The following OPA1 variants were observed in gnomAD, a reference collection of about 807,000 sequenced individuals.
OPA1 encodes dynamin-like GTPase OPA1, mitochondrial.
In OPA1, 59 loss-of-function variants were observed where a neutral mutation model predicts 152.9. The observed-to-expected ratio is 0.39, with a 90% confidence interval of 0.31 to 0.48. The LOEUF (loss-of-function observed/expected upper bound fraction) is 0.48, where lower values mean the gene tolerates loss of function less well. Ranked by LOEUF, OPA1 falls within the 20% of genes least tolerant of loss-of-function variation. OPA1 has a pLI of 0.96. For synonymous variants in OPA1, 400 were observed against 389.9 expected, an observed-to-expected ratio of 1.03 and a Z score of -0.31; for missense variants, 1,008 against 1,216.8, an observed-to-expected ratio of 0.83 and a Z score of 2.55.
chr3:193,675,850 G>A, intron 29 of OPA1, among the ~76,000 whole-genome samples: 1 of 152,202 alleles, frequency 6.6e-6, no homozygotes, highest in African/African-American at 2.4e-5. Flanking sequence ...TTGTGATCTT[G>A]TAATACAGAC....
chr3:193,682,809 A>G (rs911933060), intron 29 of OPA1, among the ~76,000 whole-genome samples: 3 of 152,212 alleles, frequency 2.0e-5, no homozygotes, highest in Non-Finnish European at 4.4e-5. Context: ...TGGTCAAGCA[A>G]GAGTTCTGAG....
chr3:193,637,605 G>A lies in OPA1; in HGVS notation c.1035+324G>A, dbSNP rs115055890. Among the ~76,000 whole-genome samples the A allele has an allele frequency of 4.4e-3, 675 of 152,168 alleles. 8 individuals are homozygous for A. The highest frequency in any genetic ancestry group is 0.015 in the African/African-American group (625 of 41,512). On this transcript the variant is annotated intron_variant, in intron 10 of 30. Transcript: ENST00000361510. ...ACAGTGGATTAAATTAGCCATATGC[G>A]TGAAATTTAAGCTAATAGAATTGAA... is the stretch of plus-strand genomic sequence containing the variant.
At chr3:193,634,285 A>G (rs911972853) in intron 8 of OPA1, among the ~76,000 whole-genome samples, 1 of 151,066 alleles carries the variant, frequency 6.6e-6, no homozygotes, top group Non-Finnish European at 1.5e-5. Flanking sequence ...CTACTTACAA[A>G]AAAAAAACCT....
rs111488647 is a variant in OPA1, at chr3:193,643,037, C to T, written c.1293C>T (p.Thr431=). Residue 431 remains threonine (T), a synonymous_variant, in exon 13 of 31, where the codon ACC becomes ACT. Transcript: ENST00000361510. Reference sequence around the variant, plus strand: ...GGAAAAATGTGAAAGAAGGCTGTACCGTTAGCCCTGAGGTAAGGGTTGCAA... The same window carrying T: ...GGAAAAATGTGAAAGAAGGCTGTACTGTTAGCCCTGAGGTAAGGGTTGCAA... The part of the protein sequence containing the change: ...RMRKNVKEGC[T]VSPETISLNV... The T allele has an allele frequency of 3.7e-5, 60 of 1,612,408 alleles. No individual in the cohort carries two copies. The African/African-American group carries it at 4.4e-4, about 12-fold the overall frequency.
intron 1 of OPA1, chr3:193,613,856 G>A (rs376546596): frequency 2.0e-5 from 10 of 509,142 alleles, no homozygotes; most frequent in Admixed American, 5.9e-5. Context: ...GGGATTACAG[G>A]TGTGAGCCAC....
Position 193,695,032 on chromosome 3 carries a change from A to G in OPA1, c.*432A>G, listed in dbSNP as rs559377211. ...GCAATTGTTTAAAGTTATCAATTGT[A>G]TATAAAATCACAGTAGCCTGCTAAA... is the stretch of plus-strand genomic sequence containing the variant. On this transcript the variant is annotated 3_prime_UTR_variant, in exon 31 of 31. Coordinates refer to ENST00000361510, the MANE Select transcript of OPA1 (RefSeq NM_130837.3). 1 of 152,254 alleles carries G rather than the reference A, an allele frequency of 6.6e-6. No homozygotes were observed. The highest frequency in any genetic ancestry group is 1.5e-5 in the Non-Finnish European group (1 of 68,042). The allele number at this position is 152,254 out of a possible 1,614,324, so 9.4% of individuals were successfully genotyped here. A position where few individuals can be genotyped will look rare whatever the true frequency, so the allele number is the denominator to read the frequency against.
Position 193,609,345 on chromosome 3 carries a change from T to C in OPA1, c.33-5378T>C, listed in dbSNP as rs185011987. Reference sequence around the variant, plus strand: ...ATTCTGGGTTGAAAATTCTTTTCTTTAAGAATGTTGAATATTGGCCTCCAC... The same window carrying C: ...ATTCTGGGTTGAAAATTCTTTTCTTCAAGAATGTTGAATATTGGCCTCCAC... On this transcript the variant is annotated intron_variant, in intron 1 of 30. Transcript: ENST00000361510. 2.8e-3 allele frequency among the ~76,000 whole-genome samples: 430 copies of C among 152,346 alleles called. 3 individuals are homozygous for C. Among genetic ancestry groups the C allele is most frequent in the South Asian group, 0.017 (81 of 4,832 alleles).
At chr3:193,594,894 CA>C (rs1374434998) in intron 1 of OPA1, among the ~76,000 whole-genome samples, 1 of 152,126 alleles carries the variant, frequency 6.6e-6, no homozygotes, top group African/African-American at 2.4e-5. Context: ...AGTGAGGAAA[CA>C]TATCTGATTT....
intron 1 of OPA1, among the ~76,000 whole-genome samples, chr3:193,605,419 A>G (rs534538075): frequency 2.3e-4 from 35 of 152,302 alleles, no homozygotes; most frequent in Non-Finnish European, 3.7e-4. Context: ...ATCTTCTACA[A>G]TTGGTGAGAG....
chr3:193,660,116 A>T (rs1347638209), intron 25 of OPA1, among the ~76,000 whole-genome samples: 1 of 152,152 alleles, frequency 6.6e-6, no homozygotes, highest in Non-Finnish European at 1.5e-5. Flanking sequence ...GAATAGAAAA[A>T]AATAGTAAGG....
intron 21 of OPA1, 69 bp from the exon 22 acceptor site, chr3:193,654,793 T>C (rs1277360822): frequency 6.8e-7 from 1 of 1,481,426 alleles, no homozygotes. Context: ...TTAATGATAC[T>C]TCAGTCAAGC....
intron 26 of OPA1, 59 bp from the exon 27 acceptor site, chr3:193,664,821 G>A: frequency 1.1e-6 from 1 of 912,462 alleles, no homozygotes; most frequent in Non-Finnish European, 1.8e-6. Flanking sequence ...ACTTCTCAGT[G>A]TGGTTGATCA....
chr3:193,616,470 C>T (rs904311023), intron 3 of OPA1, among the ~76,000 whole-genome samples: 1 of 152,112 alleles, frequency 6.6e-6, no homozygotes, highest in Non-Finnish European at 1.5e-5. Context: ...GCCAAGTAGC[C>T]TTTCTATTAA....
intron 11 of OPA1, among the ~76,000 whole-genome samples, chr3:193,639,198 A>G (rs1032496318): frequency 6.6e-6 from 1 of 152,224 alleles, no homozygotes; most frequent in African/African-American, 2.4e-5. Flanking sequence ...TACCAGTAGC[A>G]TTCTAGGCAA....
intron 29 of OPA1, among the ~76,000 whole-genome samples, chr3:193,676,822 T>C (rs1489898218): frequency 6.6e-6 from 1 of 151,736 alleles, no homozygotes; most frequent in Admixed American, 6.6e-5. Context: ...CTACTAAAAA[T>C]ACAAAAAATT....
At chr3:193,691,415 G>A (rs572485633) in intron 29 of OPA1, 11 of 152,184 alleles carry the variant, frequency 7.2e-5, no homozygotes, top group Admixed American at 2.0e-4. Context: ...TACCTCTAGT[G>A]GCTCTGGTAT....
At chr3:193,670,525 C>T (rs1358401763) in intron 29 of OPA1, among the ~76,000 whole-genome samples, 1 of 151,858 alleles carries the variant, frequency 6.6e-6, no homozygotes, top group Non-Finnish European at 1.5e-5. Flanking sequence ...CGCCACCATG[C>T]CTGGCTTATT....
rs1247576101 is a variant in OPA1, at chr3:193,694,932, T to C, written c.*332T>C. On this transcript the variant is annotated 3_prime_UTR_variant, in exon 31 of 31. Coordinates refer to ENST00000361510, the MANE Select transcript of OPA1 (RefSeq NM_130837.3). ...TTTGTGGTGGCACTCGTTTAATGGA[T>C]TAACTGAGGTTGCTCAATGTTCAGT... 6.6e-6 allele frequency: 1 copy of C among 152,230 alleles called. No homozygotes were observed. The highest frequency in any genetic ancestry group is 1.5e-5 in the Non-Finnish European group (1 of 68,026). The allele number at this position is 152,230 out of a possible 1,614,324, so 9.4% of individuals were successfully genotyped here. A position where few individuals can be genotyped will look rare whatever the true frequency, so the allele number is the denominator to read the frequency against.
At chr3:193,690,517 A>G (rs1250959427) in intron 29 of OPA1, among the ~76,000 whole-genome samples, 1 of 152,020 alleles carries the variant, frequency 6.6e-6, no homozygotes, top group Non-Finnish European at 1.5e-5. Flanking sequence ...GAAAAATAAT[A>G]TGAAAAGAAT....
Sources: gnomAD v4.1 joint callset for allele counts (sites outside exome capture counted in the v4.1 genomes callset) on GRCh38, gnomAD v4.1.1 for gene constraint, MANE v1.5 for transcripts, NCBI Gene and HGNC (gene_info 2026-07-23, HGNC 2026-07-21) for gene names.